NR6A1: variants seen among roughly 807,000 people sequenced by gnomAD.
NR6A1 encodes the protein nuclear receptor subfamily 6 group A member 1.
In NR6A1, 7 loss-of-function variants were observed where a neutral mutation model predicts 59.1. The ratio of observed to expected loss-of-function variants is 0.12; its 90% confidence interval spans 0.07 to 0.22. NR6A1 has a LOEUF of 0.22. Among genes scored for constraint, NR6A1 ranks in the 10% least tolerant of loss-of-function variants. NR6A1 has a pLI of 1.00. For missense variants in NR6A1, 468 were observed against 611.6 expected (o/e 0.77, Z 2.48); for synonymous variants, 243 against 236.1 (o/e 1.03, Z -0.27).
intron 7 of NR6A1, among the ~76,000 whole-genome samples, chr9:124,530,949 C>T (rs902683975): frequency 4.6e-5 from 7 of 152,204 alleles, no homozygotes; most frequent in African/African-American, 1.7e-4. Flanking sequence ...ACCTCATGCT[C>T]CTCATCTCTA....
At chr9:124,701,573 CTTG>C (rs1280901953) in intron 2 of NR6A1, among the ~76,000 whole-genome samples, 3 of 152,182 alleles carry the variant, frequency 2.0e-5, no homozygotes, top group Non-Finnish European at 2.9e-5. Context: ...CCCCTAGCAA[CTTG>C]TTTACTTTTT....
intron 2 of NR6A1, among the ~76,000 whole-genome samples, chr9:124,555,996 G>C (rs1833913416): frequency 6.6e-6 from 1 of 152,212 alleles, no homozygotes; most frequent in South Asian, 2.1e-4. Context: ...GAGAAAGGAG[G>C]TGGCTTGCAT....
intron 2 of NR6A1, among the ~76,000 whole-genome samples, chr9:124,600,742 G>A (rs1835422939): frequency 6.6e-6 from 1 of 152,144 alleles, no homozygotes; most frequent in Admixed American, 6.5e-5. Context: ...GAAAAGTGTT[G>A]GAGAAACAAA....
intron 2 of NR6A1, among the ~76,000 whole-genome samples, chr9:124,606,472 G>C (rs1835577450): frequency 6.6e-6 from 1 of 151,946 alleles, no homozygotes; most frequent in South Asian, 2.1e-4. Context: ...AAAGGCCTAG[G>C]CTTCCAAGAA....
chr9:124,696,686 C>T (rs10986399), intron 2 of NR6A1, among the ~76,000 whole-genome samples: 1 of 151,890 alleles, frequency 6.6e-6, no homozygotes, highest in Admixed American at 6.6e-5. Context: ...CCACGCCTGG[C>T]TAATTTTTGT....
chr9:124,752,365 A>G (rs1261308901), intron 1 of NR6A1, among the ~76,000 whole-genome samples: 1 of 152,184 alleles, frequency 6.6e-6, no homozygotes, highest in Admixed American at 6.5e-5. Flanking sequence ...TAAACAATCA[A>G]TTTTTTTAAA....
chr9:124,628,535 T>G (rs1836319596), intron 2 of NR6A1, among the ~76,000 whole-genome samples: 1 of 152,128 alleles, frequency 6.6e-6, no homozygotes, highest in South Asian at 2.1e-4. Flanking sequence ...ATAGAGATGG[T>G]GTTTCACCAT....
chr9:124,624,414 C>T (rs1226605868), intron 2 of NR6A1, among the ~76,000 whole-genome samples: 1 of 152,222 alleles, frequency 6.6e-6, no homozygotes, highest in African/African-American at 2.4e-5. Flanking sequence ...AAGCTGAATA[C>T]TGAAAAGACA....
At chr9:124,627,889 T>C (rs1365590342) in intron 2 of NR6A1, among the ~76,000 whole-genome samples, 1 of 130,830 alleles carries the variant, frequency 7.6e-6, no homozygotes, top group African/African-American at 3.7e-5. Context: ...TTTCTTTTTT[T>C]TTTTTTTTTT....
chr9:124,694,618 T>A (rs1838682456), intron 2 of NR6A1, among the ~76,000 whole-genome samples: 1 of 152,198 alleles, frequency 6.6e-6, no homozygotes, highest in South Asian at 2.1e-4. Context: ...CTCTAAATCC[T>A]GTAACATGAG....
chr9:124,731,977 A>G (rs1839897846), intron 2 of NR6A1, among the ~76,000 whole-genome samples: 1 of 152,206 alleles, frequency 6.6e-6, no homozygotes, highest in African/African-American at 2.4e-5. Context: ...AGCTGCTGGT[A>G]TACTGGGGCT....
intron 3 of NR6A1, among the ~76,000 whole-genome samples, chr9:124,548,872 T>G (rs1833687639): frequency 6.6e-6 from 1 of 151,904 alleles, no homozygotes; most frequent in South Asian, 2.1e-4. Context: ...CGAAGCTGAC[T>G]GTATCCTCAT....
At chr9:124,695,671 G>T (rs202068587) in intron 2 of NR6A1, among the ~76,000 whole-genome samples, 10 of 152,086 alleles carry the variant, frequency 6.6e-5, no homozygotes, top group Middle Eastern at 3.2e-3. Flanking sequence ...CGCCCGGCCC[G>T]AGGGGGTCTT....
intron 2 of NR6A1, among the ~76,000 whole-genome samples, chr9:124,717,468 A>G (rs940155217): frequency 6.6e-6 from 1 of 152,256 alleles, no homozygotes; most frequent in Non-Finnish European, 1.5e-5. Context: ...ACGAAAGAGC[A>G]CATATTGTAT....
intron 2 of NR6A1, among the ~76,000 whole-genome samples, chr9:124,667,919 C>T (rs181197044): frequency 6.6e-6 from 1 of 152,142 alleles, no homozygotes; most frequent in Non-Finnish European, 1.5e-5. Flanking sequence ...CTGCTGTCAA[C>T]ATTTGAGAAA....
chr9:124,622,963 TG>T (rs990211052), intron 2 of NR6A1, among the ~76,000 whole-genome samples: 4 of 152,146 alleles, frequency 2.6e-5, no homozygotes, highest in African/African-American at 9.7e-5. Context: ...AGACTCACAA[TG>T]TAATAAAACT....
At chr9:124,707,877 C>T (rs1329243952) in intron 2 of NR6A1, among the ~76,000 whole-genome samples, 1 of 152,158 alleles carries the variant, frequency 6.6e-6, no homozygotes, top group African/African-American at 2.4e-5. Flanking sequence ...CTTTCACTAC[C>T]TGCTGCTGCA....
chr9:124,639,654 C>T (rs1436426470), intron 2 of NR6A1, among the ~76,000 whole-genome samples: 1 of 152,054 alleles, frequency 6.6e-6, no homozygotes, highest in Admixed American at 6.6e-5. Flanking sequence ...AAGAAGAGGA[C>T]CAACAGAGAG....
chr9:124,675,712 T>C (rs114151004), intron 2 of NR6A1, among the ~76,000 whole-genome samples: 1,547 of 152,278 alleles, frequency 0.01, 26 homozygotes, highest in African/African-American at 0.034. Flanking sequence ...GGAGGCAGTC[T>C]AGAATCTTTG....
Sources: allele counts gnomAD v4.1 joint callset (sites outside exome capture counted in the v4.1 genomes callset), GRCh38; gene constraint gnomAD v4.1.1; transcripts MANE v1.5; gene names NCBI Gene and HGNC (gene_info 2026-07-23, HGNC 2026-07-21).